DOCK3: variants seen among roughly 807,000 people sequenced by gnomAD.
DOCK3 encodes dedicator of cytokinesis protein 3.
DOCK3 carries 60 observed loss-of-function variants against 265.6 expected under a neutral mutation model. That is an observed-to-expected ratio of 0.23 (90% CI 0.18 to 0.28). The LOEUF (loss-of-function observed/expected upper bound fraction) is 0.28, where lower values mean the gene tolerates loss of function less well. Ranked by LOEUF, DOCK3 falls within the 10% of genes least tolerant of loss-of-function variation. DOCK3 has a pLI of 1.00. For missense variants in DOCK3, 1,981 were observed against 2,594.3 expected (o/e 0.76, Z 5.14); for synonymous variants, 881 against 938.0 (o/e 0.94, Z 1.11).
intron 5 of DOCK3, among the ~76,000 whole-genome samples, chr3:50,945,548 A>G (rs1168332210): frequency 6.6e-6 from 1 of 152,176 alleles, no homozygotes; most frequent in Non-Finnish European, 1.5e-5. Flanking sequence ...GAGAAACAAG[A>G]CACAGTTCTC....
Position 51,357,273 on chromosome 3 carries a change from A to G in DOCK3, c.4683+132A>G, listed in dbSNP as rs376797246. The G allele has an allele frequency of 3.0e-5, 30 of 1,013,730 alleles. No homozygotes were observed. In the East Asian group the frequency reaches 4.0e-4, roughly 14 times the overall value. The allele number at this position is 1,013,730 out of a possible 1,614,324, so 62.8% of individuals were successfully genotyped here. On this transcript the variant is annotated intron_variant, in intron 44 of 52. Transcript: ENST00000266037. ...TGCCCTCTCTTGACATGGTCCTGGA[A>G]TGAGGCCCTAAGCTCCCTATCACTC...
At chr3:51,131,005 G>C (rs1050212330) in intron 9 of DOCK3, among the ~76,000 whole-genome samples, 1 of 152,044 alleles carries the variant, frequency 6.6e-6, no homozygotes, top group Non-Finnish European at 1.5e-5. Context: ...ACTGCACCCG[G>C]GCACAATAGT....
At chr3:51,201,762 A>G (rs2088789539) in intron 12 of DOCK3, among the ~76,000 whole-genome samples, 1 of 152,180 alleles carries the variant, frequency 6.6e-6, no homozygotes. Context: ...AATTGACCAC[A>G]TAGTTGGAAG....
chr3:50,736,300 T>C (rs1200946255), intron 1 of DOCK3, among the ~76,000 whole-genome samples: 2 of 152,198 alleles, frequency 1.3e-5, no homozygotes, highest in African/African-American at 4.8e-5. Flanking sequence ...CAGTCTATCA[T>C]TGATGGACAT....
chr3:51,165,274 A>G (rs1177767590), intron 12 of DOCK3, among the ~76,000 whole-genome samples: 4 of 152,198 alleles, frequency 2.6e-5, no homozygotes, highest in African/African-American at 9.6e-5. Flanking sequence ...GTGAAGGCCC[A>G]TTGGGCCATC....
intron 5 of DOCK3, among the ~76,000 whole-genome samples, chr3:50,976,936 G>A (rs1265175704): frequency 6.7e-6 from 1 of 150,308 alleles, no homozygotes; most frequent in African/African-American, 2.4e-5. Flanking sequence ...TTGGTTTAAA[G>A]TCTGTTTTAT....
At chr3:50,836,921 C>G (rs1314764081) in intron 2 of DOCK3, among the ~76,000 whole-genome samples, 1 of 152,186 alleles carries the variant, frequency 6.6e-6, no homozygotes, top group Non-Finnish European at 1.5e-5. Flanking sequence ...AAAATGCCAC[C>G]AGTCTCTTTG....
At chr3:50,922,698 T>C (rs1371747588) in intron 4 of DOCK3, among the ~76,000 whole-genome samples, 1 of 152,214 alleles carries the variant, frequency 6.6e-6, no homozygotes, top group Non-Finnish European at 1.5e-5. Context: ...TTTTGTACTT[T>C]TGTTTTTTGT....
chr3:50,678,506 A>G (rs906290682), intron 1 of DOCK3, among the ~76,000 whole-genome samples: 3 of 152,232 alleles, frequency 2.0e-5, no homozygotes, highest in African/African-American at 7.2e-5. Flanking sequence ...AACAGTTTTT[A>G]AAACAAAAAT....
intron 5 of DOCK3, among the ~76,000 whole-genome samples, chr3:50,992,602 G>GTTGT (rs371835672): frequency 5.6e-4 from 85 of 152,266 alleles, no homozygotes; most frequent in African/African-American, 1.9e-3. Flanking sequence ...CAGCCCAGGA[G>GTTGT]TTGTTTGTTT....
chr3:50,777,073 C>A (rs1472754919), intron 1 of DOCK3, among the ~76,000 whole-genome samples: 1 of 152,114 alleles, frequency 6.6e-6, no homozygotes, highest in Non-Finnish European at 1.5e-5. Flanking sequence ...ACCATGAGAG[C>A]AGTGTGGGGA....
chr3:51,293,571 A>G (rs2081911239), intron 27 of DOCK3, among the ~76,000 whole-genome samples: 1 of 152,190 alleles, frequency 6.6e-6, no homozygotes, highest in Non-Finnish European at 1.5e-5. Flanking sequence ...TTTCTTGGAT[A>G]TGATCCCTAA....
At position 51,090,268 on chromosome 3, in the gene DOCK3, G is replaced by T. The variant is rs771148448; in HGVS notation, c.630G>T (p.Arg210=). The change falls in exon 9 of 53, where the codon CGG becomes CGT. Residue 210 remains arginine, a synonymous_variant. Coordinates refer to ENST00000266037, the MANE Select transcript of DOCK3 (RefSeq NM_004947.5). ...GCCCACGTCATGGGGAAACATGTCG[G>T]ATGCCAGTGCCACATCACTTCTTCC... is the stretch of plus-strand genomic sequence containing the variant. ...TMRPRHGETC[R]MPVPHHFFLS... is the part of the protein sequence containing the mutation. 6.3e-7 allele frequency: 1 copy of T among 1,598,082 alleles called. No homozygotes were observed. The highest frequency in any genetic ancestry group is 1.7e-4 in the Middle Eastern group (1 of 6,042).
At chr3:51,086,046 C>G (rs2082408125) in intron 7 of DOCK3, among the ~76,000 whole-genome samples, 1 of 152,174 alleles carries the variant, frequency 6.6e-6, no homozygotes, top group South Asian at 2.1e-4. Flanking sequence ...TCAGGAGTCT[C>G]ACAGCCTTCA....
chr3:50,867,806 A>G (rs1477359596), intron 3 of DOCK3, among the ~76,000 whole-genome samples: 1 of 152,000 alleles, frequency 6.6e-6, no homozygotes, highest in Admixed American at 6.6e-5. Flanking sequence ...TCTCTTTAAT[A>G]TATTGTTGAA....
At chr3:51,312,962 A>C in intron 31 of DOCK3, 60 bp downstream of exon 31, 1 of 1,452,976 alleles carries the variant, frequency 6.9e-7, no homozygotes, top group South Asian at 1.2e-5. Flanking sequence ...AGAAAGTAGC[A>C]AGACTAATAA....
intron 27 of DOCK3, among the ~76,000 whole-genome samples, chr3:51,300,155 T>C (rs1367434294): frequency 1.3e-5 from 2 of 152,208 alleles, no homozygotes; most frequent in Non-Finnish European, 2.9e-5. Context: ...TGCCTAGATA[T>C]TTTATTCTCT....
At chr3:50,914,149 G>T (rs1247874075) in intron 4 of DOCK3, among the ~76,000 whole-genome samples, 1 of 151,430 alleles carries the variant, frequency 6.6e-6, no homozygotes, top group Non-Finnish European at 1.5e-5. Flanking sequence ...TAAAAACCCA[G>T]TTTTTATTTT....
At chr3:50,796,949 G>A (rs1289342027) in intron 2 of DOCK3, among the ~76,000 whole-genome samples, 1 of 152,052 alleles carries the variant, frequency 6.6e-6, no homozygotes, top group African/African-American at 2.4e-5. Context: ...GACTCCTTGA[G>A]GTTAGGAATC....
Sources: allele counts gnomAD v4.1 joint callset (sites outside exome capture counted in the v4.1 genomes callset), GRCh38; gene constraint gnomAD v4.1.1; transcripts MANE v1.5; gene names NCBI Gene and HGNC (gene_info 2026-07-23, HGNC 2026-07-21).